ZC3H15: variants seen among roughly 807,000 people sequenced by gnomAD.
ZC3H15 encodes zinc finger CCCH domain-containing protein 15.
A neutral mutation model predicts 51.2 loss-of-function variants in ZC3H15; 15 were observed. The ratio of observed to expected loss-of-function variants is 0.29; its 90% CI spans 0.20 to 0.45. The LOEUF is 0.45. Ranked by LOEUF, ZC3H15 falls within the 20% of genes least tolerant of loss-of-function variation. ZC3H15 has a pLI of 1.00. For synonymous variants in ZC3H15, 144 were observed against 162.8 expected, an observed-to-expected ratio of 0.88 and a Z score of 0.88; for missense variants, 381 against 494.7, an observed-to-expected ratio of 0.77 and a Z score of 2.18.
chr2:186,502,619 ATATT>A, intron 5 of ZC3H15, 32 bp downstream of exon 5: 1 of 1,534,392 alleles, frequency 6.5e-7, no homozygotes, highest in Non-Finnish European at 9.0e-7. Flanking sequence ...AGTTGCTGTG[ATATT>A]TATCATTAGG....
intron 6 of ZC3H15, 144 bp from the exon 7 acceptor site, chr2:186,505,307 A>C: frequency 2.0e-6 from 2 of 1,001,926 alleles, no homozygotes; most frequent in Non-Finnish European, 1.3e-6. Flanking sequence ...ACGTAAAGTA[A>C]AAAAATACAT....
In ZC3H15 at chr2:186,506,745, T is replaced by C. The variant is rs1295185024; in HGVS notation, c.999T>C (p.Asp333=). ...ATTCAGTGAGTGTAAATGACATAGA[T>C]TTAAGCCTGTACATCCCAAGAGATG... is the stretch of plus-strand genomic sequence containing the variant. ...VDDSVSVNDI[D]LSLYIPRDVD... Residue 333 remains aspartate (D), a synonymous_variant, in exon 9 of 10, where the codon GAT becomes GAC. Coordinates refer to ENST00000337859, the MANE Select transcript of ZC3H15 (RefSeq NM_018471.3). 2 of 1,613,624 alleles carry C rather than the reference T, an allele frequency of 1.2e-6. No individual in the cohort carries two copies. Among genetic ancestry groups the C allele is most frequent in the Non-Finnish European group, 1.7e-6 (2 of 1,179,708 alleles).
intron 4 of ZC3H15, 39 bp from the exon 5 acceptor site, chr2:186,502,457 G>C (rs778081737): frequency 7.7e-5 from 115 of 1,502,830 alleles, no homozygotes; most frequent in Non-Finnish European, 1.0e-4. Context: ...GGGAGTAGTA[G>C]ATAAGATTAC....
At chr2:186,502,248 G>A (rs1685396952) in intron 4 of ZC3H15, among the ~76,000 whole-genome samples, 1 of 151,970 alleles carries the variant, frequency 6.6e-6, no homozygotes, top group Non-Finnish European at 1.5e-5. Flanking sequence ...CTGCTTGGGA[G>A]GCTAAGGCAG....
Position 186,506,754 on chromosome 2 carries a change from G to A in ZC3H15, c.1008G>A (p.Leu336=). The A allele has an allele frequency of 6.2e-7, 1 of 1,613,544 alleles. No individual in the cohort carries two copies. Among genetic ancestry groups the A allele is most frequent in the Non-Finnish European group, 8.5e-7 (1 of 1,179,628 alleles). Residue 336 remains leucine, a synonymous_variant, in exon 9 of 10, where the codon CTG becomes CTA. Transcript: ENST00000337859. The part of the protein sequence containing the change: ...SVSVNDIDLS[L]YIPRDVDETG... ...GTGTAAATGACATAGATTTAAGCCT[G>A]TACATCCCAAGAGATGTAGATGAAA... is the stretch of plus-strand genomic sequence containing the variant.
At chr2:186,497,135 AT>A in intron 2 of ZC3H15, 3 of 443,630 alleles carry the variant, frequency 6.8e-6, no homozygotes, top group Admixed American at 2.5e-5. Flanking sequence ...TTTAAAGTAC[AT>A]TTTTCCACCA....
At chr2:186,494,769 A>T (rs910710521) in intron 1 of ZC3H15, among the ~76,000 whole-genome samples, 2 of 152,150 alleles carry the variant, frequency 1.3e-5, no homozygotes, top group African/African-American at 4.8e-5. Context: ...GAATCGAACA[A>T]TGAGAACACT....
At chr2:186,502,422 T>G in intron 4 of ZC3H15, 74 bp from the exon 5 acceptor site, 1 of 1,256,002 alleles carries the variant, frequency 8.0e-7, no homozygotes, top group East Asian at 2.5e-5. Flanking sequence ...AACACAGCAT[T>G]AGTGTCTAAG....
Position 186,502,564 on chromosome 2 carries a change from A to G in ZC3H15, c.511A>G (p.Lys171Glu). Residue 171 changes from lysine to glutamate, a missense_variant, in exon 5 of 10, where the codon AAG becomes GAG. Lys to Glu is a moderately conservative substitution (Grantham distance 56). Coordinates refer to ENST00000337859, the MANE Select transcript of ZC3H15 (RefSeq NM_018471.3). ...VVNKKHGEAE[K>E]KKPKTQIVCK... The stretch of plus-strand genomic sequence containing the variant: ...GAACAAGAAGCACGGTGAGGCGGAA[A>G]AGAAAAAACCAAAAACTCAAATAGT... 6.2e-7 allele frequency: 1 copy of G among 1,612,340 alleles called. No individual in the cohort carries two copies. The highest frequency in any genetic ancestry group is 1.1e-5 in the South Asian group (1 of 90,732).
intron 2 of ZC3H15, among the ~76,000 whole-genome samples, chr2:186,495,821 A>G (rs1350599134): frequency 6.6e-6 from 1 of 152,256 alleles, no homozygotes; most frequent in East Asian, 1.9e-4. Context: ...AGCAATAGAT[A>G]CTAAAGTTCT....
chr2:186,505,920 C>A, intron 8 of ZC3H15, 79 bp downstream of exon 8: 1 of 1,442,480 alleles, frequency 6.9e-7, no homozygotes, highest in Non-Finnish European at 9.6e-7. Flanking sequence ...GGTTAAGAGC[C>A]ACCAACATCA....
chr2:186,487,312 A>G (rs993329569), intron 1 of ZC3H15: 1 of 152,206 alleles, frequency 6.6e-6, no homozygotes, highest in Non-Finnish European at 1.5e-5. Flanking sequence ...TCCTTAAAAG[A>G]TGAACCATAT....
chr2:186,491,277 A>G (rs6709401), intron 1 of ZC3H15, among the ~76,000 whole-genome samples: 41,474 of 152,056 alleles, frequency 0.27, 5,903 homozygotes, highest in Non-Finnish European at 0.3. Flanking sequence ...AATAGTTAAC[A>G]TTTACTGGCC....
Position 186,501,359 on chromosome 2 carries a change from A to C in ZC3H15, c.376A>C (p.Thr126Pro). 6.2e-7 allele frequency: 1 copy of C among 1,613,882 alleles called. No homozygotes were observed. Among genetic ancestry groups the C allele is most frequent in the Non-Finnish European group, 8.5e-7 (1 of 1,179,914 alleles). The part of the protein sequence containing the change: ...GDKCKFSHDL[T>P]LERKCEKRSV... Reference sequence around the variant, plus strand: ...TAAGTGTAAGTTCTCCCATGACTTGACTCTGGAGAGAAAATGTGAAAAGCG... The same window carrying C: ...TAAGTGTAAGTTCTCCCATGACTTGCCTCTGGAGAGAAAATGTGAAAAGCG... The change falls in exon 4 of 10, where the codon ACT becomes CCT. Residue 126 changes from threonine to proline, a missense_variant. Thr to Pro is a conservative substitution (Grantham distance 38). Coordinates refer to ENST00000337859, the MANE Select transcript of ZC3H15 (RefSeq NM_018471.3).
At chr2:186,502,450 A>T in intron 4 of ZC3H15, 46 bp from the exon 5 acceptor site, 1 of 1,445,740 alleles carries the variant, frequency 6.9e-7, no homozygotes, top group Non-Finnish European at 9.6e-7. Context: ...GTGTTGTGGG[A>T]GTAGTAGATA....
chr2:186,499,178 TTATTG>T (rs1322877967), intron 2 of ZC3H15, among the ~76,000 whole-genome samples: 1 of 152,198 alleles, frequency 6.6e-6, no homozygotes, highest in Non-Finnish European at 1.5e-5. Flanking sequence ...CTCTTGTGTT[TTATTG>T]TGTACAGCAG....
At chr2:186,490,612 C>G (rs564792057) in intron 1 of ZC3H15, among the ~76,000 whole-genome samples, 1 of 152,182 alleles carries the variant, frequency 6.6e-6, no homozygotes, top group East Asian at 1.9e-4. Flanking sequence ...TCTGCCTACC[C>G]GAATGTCCCA....
chr2:186,505,500 T>A lies in ZC3H15; in HGVS notation c.767T>A (p.Leu256His). The change falls in exon 7 of 10, where the codon CTT becomes CAT. Residue 256 changes from leucine to histidine, a missense_variant. Leu to His is a moderately conservative substitution (Grantham distance 99, BLOSUM62 -3). This residue lies in a region of ZC3H15 where 215 missense variants were observed against 241.8 expected (regional missense o/e 0.89). Transcript: ENST00000337859. ...ACCAAAATCACTCTAGAATCTTTTC[T>A]TGCCTGGAAGAAAAGGAAAAGACAA... Reference protein sequence around the residue: ...NVTKITLESFLAWKKRKRQEK... With the variant: ...NVTKITLESFHAWKKRKRQEK... 6.3e-7 allele frequency: 1 copy of A among 1,597,664 alleles called. No individual in the cohort carries two copies. The highest frequency in any genetic ancestry group is 8.5e-7 in the Non-Finnish European group (1 of 1,174,874).
chr2:186,502,699 T>C, intron 5 of ZC3H15, 112 bp downstream of exon 5: 1 of 865,982 alleles, frequency 1.2e-6, no homozygotes, highest in Non-Finnish European at 1.7e-6. Context: ...TACTGGAAAA[T>C]TTGATTTCAT....
Sources: gnomAD v4.1 joint callset for allele counts (sites outside exome capture counted in the v4.1 genomes callset) on GRCh38, gnomAD v4.1.1 for gene constraint, gnomAD v4.1.1 regional missense constraint, MANE v1.5 for transcripts, NCBI Gene and HGNC (gene_info 2026-07-23, HGNC 2026-07-21) for gene names.